FBLN2: variants seen among roughly 807,000 people sequenced by gnomAD.
The protein encoded by FBLN2 is fibulin-2.
In FBLN2, 81 loss-of-function variants were observed where a neutral mutation model predicts 123.7. The observed-to-expected ratio is 0.65, with a 90% confidence interval of 0.55 to 0.79. FBLN2 has a LOEUF of 0.79. FBLN2 is among the 30% of genes least tolerant of loss of function. The pLI, the probability that FBLN2 is intolerant of heterozygous loss-of-function variation, is 0.00. For missense variants in FBLN2, 1,603 were observed against 1,681.3 expected (o/e 0.95, Z 0.81); for synonymous variants, 699 against 701.4 (o/e 1.00, Z 0.05).
intron 17 of FBLN2, among the ~76,000 whole-genome samples, chr3:13,637,099 C>CCTTAACCTCA (rs1232976724): frequency 1.3e-5 from 2 of 152,200 alleles, no homozygotes; most frequent in Non-Finnish European, 2.9e-5. Context: ...AGCGGCAGCC[C>CCTTAACCTCA]CTTAACCTCA....
At chr3:13,565,389 C>A (rs145720403) in intron 1 of FBLN2, among the ~76,000 whole-genome samples, 22 of 152,370 alleles carry the variant, frequency 1.4e-4, no homozygotes, top group African/African-American at 5.0e-4. Context: ...AGTGCCACTT[C>A]ATGGTGGCTT....
intron 2 of FBLN2, among the ~76,000 whole-genome samples, chr3:13,582,276 C>G (rs1409868949): frequency 6.6e-6 from 1 of 152,200 alleles, no homozygotes; most frequent in African/African-American, 2.4e-5. Flanking sequence ...TGAGGCTGAA[C>G]CATGCCTAGG....
At chr3:13,555,388 A>G (rs868445100) in intron 1 of FBLN2, among the ~76,000 whole-genome samples, 2 of 152,048 alleles carry the variant, frequency 1.3e-5, no homozygotes, top group Non-Finnish European at 2.9e-5. Flanking sequence ...GCCACCTTGT[A>G]TGCCCTGCCA....
intron 2 of FBLN2, among the ~76,000 whole-genome samples, chr3:13,605,313 C>A (rs1282736087): frequency 6.6e-6 from 1 of 152,154 alleles, no homozygotes; most frequent in East Asian, 1.9e-4. Flanking sequence ...CATCTTCTTT[C>A]TCCATTCCCA....
chr3:13,570,195 G>A lies in FBLN2; in HGVS notation c.-41-120G>A, dbSNP rs540357090. The stretch of plus-strand genomic sequence containing the variant: ...TGAGGCAGTGCTTAGTGTGCTCCTG[G>A]GGATGAGCGCATGCGTGTGAGGTGG... On this transcript the variant is annotated intron_variant, in intron 1 of 17. Transcript: ENST00000404922. 7.7e-5 allele frequency: 82 copies of A among 1,071,402 alleles called. No individual in the cohort carries two copies. The South Asian group carries it at 1.4e-3, about 18-fold the overall frequency. 66.4% of individuals were successfully genotyped at this position (1,071,402 alleles called of 1,614,324 possible).
chr3:13,599,623 G>C (rs556699576), intron 2 of FBLN2, among the ~76,000 whole-genome samples: 2 of 152,094 alleles, frequency 1.3e-5, no homozygotes, highest in Non-Finnish European at 2.9e-5. Flanking sequence ...AGGGCAGGAG[G>C]GGGTGGTGGA....
rs1257236235 is a variant in FBLN2, at chr3:13,625,204, T to C, written c.2297-1241T>C. 2.9e-5 allele frequency among the ~76,000 whole-genome samples: 4 copies of C among 137,224 alleles called. No individual in the cohort carries two copies. The East Asian group carries it at 6.7e-4, about 23-fold the overall frequency. 90.0% of individuals were successfully genotyped at this position (137,224 alleles called of 152,430 possible). On this transcript the variant is annotated intron_variant, in intron 9 of 17. Coordinates refer to ENST00000404922, the MANE Select transcript of FBLN2 (RefSeq NM_001004019.2). ...GTTGGTGGCCTCTGTGGCCCGGGGG[T>C]GGTTTCTGAGTTGGTGGCCTCTGTG...
intron 4 of FBLN2, among the ~76,000 whole-genome samples, chr3:13,610,589 CA>C (rs1335677619): frequency 2.2e-4 from 34 of 152,238 alleles, no homozygotes; most frequent in Non-Finnish European, 1.9e-4. Flanking sequence ...CTTTCGGCTT[CA>C]AGCAGTGTCT....
At chr3:13,584,310 G>A (rs1468635881) in intron 2 of FBLN2, among the ~76,000 whole-genome samples, 4 of 152,220 alleles carry the variant, frequency 2.6e-5, no homozygotes, top group African/African-American at 9.6e-5. Context: ...CCACTAGGAT[G>A]ACACAGAGGT....
At chr3:13,630,204 G>C (rs1383333936) in intron 14 of FBLN2, among the ~76,000 whole-genome samples, 3 of 152,296 alleles carry the variant, frequency 2.0e-5, no homozygotes, top group Non-Finnish European at 4.4e-5. Flanking sequence ...AGAGAGGCTG[G>C]GTCTCTGTGT....
chr3:13,559,452 C>T (rs1703550295), intron 1 of FBLN2, among the ~76,000 whole-genome samples: 1 of 152,130 alleles, frequency 6.6e-6, no homozygotes, highest in Admixed American at 6.5e-5. Flanking sequence ...TCATCTTAGT[C>T]TAATACAGTA....
chr3:13,568,731 C>G, intron 1 of FBLN2: 1 of 980,956 alleles, frequency 1.0e-6, no homozygotes, highest in Non-Finnish European at 1.2e-6. Flanking sequence ...GTCCTCCTTC[C>G]GTCTCCTTGA....
chr3:13,578,784 G>A (rs1285476192), intron 2 of FBLN2, among the ~76,000 whole-genome samples: 1 of 152,212 alleles, frequency 6.6e-6, no homozygotes, highest in Non-Finnish European at 1.5e-5. Context: ...GCCGGGTGTG[G>A]TGGCTCACGC....
chr3:13,569,555 G>A (rs930496539), intron 1 of FBLN2, among the ~76,000 whole-genome samples: 10 of 151,952 alleles, frequency 6.6e-5, no homozygotes, highest in Non-Finnish European at 1.3e-4. Flanking sequence ...CATGACTGGG[G>A]GAGTTGGTGG....
At chr3:13,558,959 G>T (rs562552085) in intron 1 of FBLN2, among the ~76,000 whole-genome samples, 1 of 152,184 alleles carries the variant, frequency 6.6e-6, no homozygotes, top group African/African-American at 2.4e-5. Context: ...AGAAAGATAA[G>T]GGGTTGGGAA....
At position 13,636,503 on chromosome 3, in the gene FBLN2, C is replaced by T; in HGVS notation, c.3273C>T (p.Asn1091=). ...GTTCCGAGGCTGAGACCTGCCACAACATCCAGGGTAGCTTCCGCTGCCTGC... is the reference window on the plus strand; with the variant it reads ...GTTCCGAGGCTGAGACCTGCCACAATATCCAGGGTAGCTTCCGCTGCCTGC... The part of the protein sequence containing the change: ...HNCSEAETCH[N]IQGSFRCLRF... The change falls in exon 17 of 18, where the codon AAC becomes AAT. Residue 1091 remains asparagine (N), a synonymous_variant. Coordinates refer to ENST00000404922, the MANE Select transcript of FBLN2 (RefSeq NM_001004019.2). 6.2e-7 allele frequency: 1 copy of T among 1,613,952 alleles called. No homozygotes were observed. The highest frequency in any genetic ancestry group is 8.5e-7 in the Non-Finnish European group (1 of 1,179,852).
intron 1 of FBLN2, among the ~76,000 whole-genome samples, chr3:13,559,059 T>C (rs1262195815): frequency 6.6e-6 from 1 of 152,064 alleles, no homozygotes; most frequent in East Asian, 1.9e-4. Context: ...GGTTAGTTGG[T>C]GAAGGGCTTT....
intron 2 of FBLN2, among the ~76,000 whole-genome samples, chr3:13,600,017 C>CAGAGAGAGAGAGAGAGAGAGAGAGAG (rs113759892): frequency 7.3e-6 from 1 of 137,290 alleles, no homozygotes; most frequent in African/African-American, 2.9e-5. Context: ...AAAAACACGA[C>CAGAGAGAGAGAGAGAGAGAGAGAGAG]AGAGAGAGAG....
intron 1 of FBLN2, among the ~76,000 whole-genome samples, chr3:13,551,551 T>C (rs1209854277): frequency 6.6e-6 from 1 of 152,150 alleles, no homozygotes; most frequent in African/African-American, 2.4e-5. Context: ...CAGGATCTTT[T>C]CCCTCCAAAG....
Sources: gnomAD v4.1 joint callset for allele counts (sites outside exome capture counted in the v4.1 genomes callset) on GRCh38, gnomAD v4.1.1 for gene constraint, MANE v1.5 for transcripts, NCBI Gene and HGNC (gene_info 2026-07-23, HGNC 2026-07-21) for gene names.